MAPKBP1: variants seen among roughly 807,000 people sequenced by gnomAD.
MAPKBP1 encodes the protein mitogen-activated protein kinase-binding protein 1.
MAPKBP1 carries 71 observed loss-of-function variants against 170.5 expected under a neutral mutation model. The observed-to-expected ratio is 0.42, with a 90% confidence interval of 0.34 to 0.51. MAPKBP1 has a LOEUF of 0.51. MAPKBP1 is among the 20% of genes least tolerant of loss of function. MAPKBP1 has a pLI of 0.06. For missense variants in MAPKBP1, 1,598 were observed against 1,933.0 expected (o/e 0.83, Z 3.25); for synonymous variants, 719 against 757.9 (o/e 0.95, Z 0.84).
intron 2 of MAPKBP1, among the ~76,000 whole-genome samples, chr15:41,786,574 C>T (rs1039957365): frequency 2.1e-4 from 32 of 150,954 alleles, no homozygotes; most frequent in African/African-American, 7.6e-4. Context: ...ACCATTGTGG[C>T]TAACACGGTG....
chr15:41,823,123 C>G lies in MAPKBP1; in HGVS notation c.3499C>G (p.Leu1167Val), dbSNP rs776750906. ...CTCTGTGCTGTTGCCACGATGCCGT[C>G]TCAACCCTGACAGCAGCTGGGCTCC... is the stretch of plus-strand genomic sequence containing the variant. The part of the protein sequence containing the change: ...AASVLLPRCR[L>V]NPDSSWAPKR... Residue 1167 changes from leucine to valine, a missense_variant, in exon 28 of 31, where the codon CTC becomes GTC. Around this residue, in one of 6 missense-constraint regions of MAPKBP1, gnomAD observed 942 missense variants for 953.2 expected, o/e 0.99. Coordinates refer to ENST00000457542, the MANE Select transcript of MAPKBP1 (RefSeq NM_014994.3). The G allele has an allele frequency of 6.2e-7, 1 of 1,613,786 alleles. No homozygotes were observed. The highest frequency in any genetic ancestry group is 2.2e-5 in the East Asian group (1 of 44,886).
intron 3 of MAPKBP1, among the ~76,000 whole-genome samples, chr15:41,805,598 A>C (rs1455552545): frequency 6.6e-6 from 1 of 152,116 alleles, no homozygotes; most frequent in Non-Finnish European, 1.5e-5. Context: ...TGGGGAGGAG[A>C]AGAGGGAACC....
chr15:41,824,123 C>G, intron 29 of MAPKBP1, 62 bp downstream of exon 29: 1 of 1,528,318 alleles, frequency 6.5e-7, no homozygotes, highest in Non-Finnish European at 8.8e-7. Context: ...CTCTGTTGGC[C>G]GCTGTCTGGC....
At chr15:41,815,201 G>A (rs1201306779) in intron 10 of MAPKBP1, 58 bp from the exon 11 acceptor site, 1 of 1,601,842 alleles carries the variant, frequency 6.2e-7, no homozygotes, top group African/African-American at 1.3e-5. Context: ...CATCTCCTTG[G>A]GTAGGCAGAG....
intron 2 of MAPKBP1, among the ~76,000 whole-genome samples, chr15:41,784,893 TAAAAAA>T (rs35451237): frequency 9.5e-6 from 1 of 105,664 alleles, no homozygotes; most frequent in Admixed American, 1.0e-4. Flanking sequence ...ACCCTATCTG[TAAAAAA>T]AAAAAAAAAA....
In MAPKBP1 at chr15:41,819,287, C is replaced by T. The variant is rs1216498079; in HGVS notation, c.2333C>T (p.Ser778Leu). 3.7e-6 allele frequency: 6 copies of T among 1,614,214 alleles called. No homozygotes were observed. Among genetic ancestry groups the T allele is most frequent in the Middle Eastern group, 1.6e-4 (1 of 6,062 alleles). ...ATGCTGTCTCCTGGACCGGCTCTCTCATCAGACAGTGACAAGGAGGGAGAA... is the reference window on the plus strand; with the variant it reads ...ATGCTGTCTCCTGGACCGGCTCTCTTATCAGACAGTGACAAGGAGGGAGAA... ...PSMLSPGPAL[S>L]SDSDKEGEDE... The change falls in exon 21 of 31, where the codon TCA (serine) becomes TTA (leucine). Residue 778 changes from serine to leucine, a missense_variant. By Grantham distance (145) the Ser-to-Leu change is moderately radical. Transcript: ENST00000457542.
chr15:41,826,978 C>G lies in MAPKBP1; in HGVS notation c.*1542C>G, dbSNP rs542965748. 6.6e-6 allele frequency: 1 copy of G among 152,168 alleles called. No individual in the cohort carries two copies. Among genetic ancestry groups the G allele is most frequent in the Non-Finnish European group, 1.5e-5 (1 of 68,056 alleles). 9.4% of individuals were successfully genotyped at this position (152,168 alleles called of 1,614,324 possible). ...GAGAGCCCCTTCACCCGCCCTGCTG[C>G]GCCATAGGCAGAGGCTTATAAAGAA... On this transcript the variant is annotated 3_prime_UTR_variant, in exon 31 of 31. Coordinates refer to ENST00000457542, the MANE Select transcript of MAPKBP1 (RefSeq NM_014994.3).
At chr15:41,786,341 G>GA (rs1308133437) in intron 2 of MAPKBP1, among the ~76,000 whole-genome samples, 2 of 151,262 alleles carry the variant, frequency 1.3e-5, no homozygotes, top group African/African-American at 2.4e-5. Context: ...TTTGTAAGTA[G>GA]AAAAAAAATA....
At chr15:41,812,806 T>G (rs2064826298) in intron 7 of MAPKBP1, 113 bp from the exon 8 acceptor site, 3 of 1,448,222 alleles carry the variant, frequency 2.1e-6, no homozygotes, top group African/African-American at 1.4e-5. Flanking sequence ...GGCTGAGGAG[T>G]AGGCCCAAAG....
chr15:41,818,452 TTGGGA>T lies in MAPKBP1; in HGVS notation c.2093-63_2093-59del. 6.6e-7 allele frequency: 1 copy of T among 1,515,368 alleles called. No individual in the cohort carries two copies. Among genetic ancestry groups the T allele is most frequent in the Non-Finnish European group, 9.1e-7 (1 of 1,097,838 alleles). The allele number at this position is 1,515,368 out of a possible 1,614,324, so 93.9% of individuals were successfully genotyped here. On this transcript the variant is annotated intron_variant, in intron 18 of 30. Coordinates refer to ENST00000457542, the MANE Select transcript of MAPKBP1 (RefSeq NM_014994.3). This position sits in a 1 kb window ranked among gnomAD's most constrained non-coding sequence, Gnocchi z 5.2. Reference sequence around the variant, plus strand: ...CTGCAGCCAACCCCCGTGTCCACTGTTGGGATGGAGAGGACTTGGTTGGGAATTTA... The same window carrying T: ...CTGCAGCCAACCCCCGTGTCCACTGTTGGAGAGGACTTGGTTGGGAATTTA...
chr15:41,777,269 A>AGG (rs1466790659), intron 2 of MAPKBP1, among the ~76,000 whole-genome samples: 1 of 150,476 alleles, frequency 6.6e-6, no homozygotes, highest in Non-Finnish European at 1.5e-5. Context: ...TGAACCCGGG[A>AGG]GGCTGAGGTT....
intron 3 of MAPKBP1, among the ~76,000 whole-genome samples, chr15:41,803,645 G>A (rs1187677997): frequency 2.0e-5 from 3 of 151,794 alleles, no homozygotes; most frequent in African/African-American, 7.3e-5. Flanking sequence ...AGCCCAGGAG[G>A]TGAAGGCTGC....
In MAPKBP1 at chr15:41,775,393, A is replaced by G. The variant is rs1214427654; in HGVS notation, c.114+4A>G. 1 of 1,607,238 alleles carries G rather than the reference A, an allele frequency of 6.2e-7. No individual in the cohort carries two copies. Among genetic ancestry groups the G allele is most frequent in the Non-Finnish European group, 8.5e-7 (1 of 1,173,660 alleles). On this transcript the variant is annotated splice_donor_region_variant and intron_variant, in intron 2 of 30. Coordinates refer to ENST00000457542, the MANE Select transcript of MAPKBP1 (RefSeq NM_014994.3). ...ACGAGAGGACCTCAGCTCCAAGGTGAGTCCTGTTGGGATCCACCTCTTTCC... is the reference window on the plus strand; with the variant it reads ...ACGAGAGGACCTCAGCTCCAAGGTGGGTCCTGTTGGGATCCACCTCTTTCC...
intron 3 of MAPKBP1, among the ~76,000 whole-genome samples, chr15:41,806,256 C>T (rs1022550710): frequency 6.6e-5 from 10 of 152,230 alleles, no homozygotes; most frequent in East Asian, 1.9e-4. Context: ...GTAGCAGTGA[C>T]GGAGGTAGGG....
chr15:41,813,909 A>G (rs2064847237), intron 9 of MAPKBP1, 128 bp downstream of exon 9: 2 of 1,144,104 alleles, frequency 1.7e-6, no homozygotes. Flanking sequence ...ACCTCTTTAG[A>G]CAGAAGAATT....
chr15:41,800,568 CA>C (rs1379965000), intron 3 of MAPKBP1, among the ~76,000 whole-genome samples: 3 of 152,162 alleles, frequency 2.0e-5, no homozygotes, highest in Admixed American at 6.5e-5. Context: ...CTCCTGAGCT[CA>C]AGCCATCCAC....
intron 2 of MAPKBP1, among the ~76,000 whole-genome samples, chr15:41,778,826 G>A (rs2064136993): frequency 1.3e-5 from 2 of 152,216 alleles, no homozygotes; most frequent in African/African-American, 4.8e-5. Flanking sequence ...AAGCCCAGCA[G>A]GCAAGATTTA....
chr15:41,815,045 G>A (rs191387979), intron 10 of MAPKBP1, among the ~76,000 whole-genome samples: 1 of 152,308 alleles, frequency 6.6e-6, no homozygotes, highest in Admixed American at 6.5e-5. Flanking sequence ...ATGAAATAAT[G>A]TAAGTGGGAG....
chr15:41,811,422 G>C (rs1301502345), intron 5 of MAPKBP1, 187 bp downstream of exon 5: 21 of 715,278 alleles, frequency 2.9e-5, no homozygotes, highest in Non-Finnish European at 4.8e-5. Context: ...GAGGGCTTGT[G>C]AAAGCACACA....
Sources: gnomAD v4.1 joint callset for allele counts (sites outside exome capture counted in the v4.1 genomes callset) on GRCh38, gnomAD v4.1.1 for gene constraint, gnomAD v4.1.1 regional missense constraint, Gnocchi (gnomAD v3.1) non-coding constraint, MANE v1.5 for transcripts, NCBI Gene and HGNC (gene_info 2026-07-23, HGNC 2026-07-21) for gene names.